CNTN1: variants seen among roughly 807,000 people sequenced by gnomAD.
The protein encoded by CNTN1 is contactin 1.
A neutral mutation model predicts 126.4 loss-of-function variants in CNTN1; 38 were observed. That is an observed-to-expected ratio of 0.30 (90% confidence interval 0.23 to 0.39). CNTN1 has a LOEUF of 0.39. Ranked by LOEUF, CNTN1 falls within the 10% of genes least tolerant of loss-of-function variation. The probability of loss-of-function intolerance (pLI) is 1.00; values close to 1 mark genes in which losing one functional copy is unlikely to be tolerated. For synonymous variants in CNTN1, 413 were observed against 422.6 expected, an observed-to-expected ratio of 0.98 and a Z score of 0.28; for missense variants, 1,009 against 1,248.4, an observed-to-expected ratio of 0.81 and a Z score of 2.89.
At chr12:40,989,489 C>A (rs1230493389) in intron 16 of CNTN1, among the ~76,000 whole-genome samples, 1 of 151,988 alleles carries the variant, frequency 6.6e-6, no homozygotes, top group East Asian at 1.9e-4. Flanking sequence ...GAATACATGA[C>A]AATATAGAGT....
In CNTN1 at chr12:40,800,812, C is replaced by T. The variant is rs114503098; in HGVS notation, c.-76-107545C>T. Among the ~76,000 whole-genome samples the T allele has an allele frequency of 9.2e-3, 1,405 of 152,066 alleles. 29 individuals are homozygous for T. Among genetic ancestry groups the T allele is most frequent in the African/African-American group, 0.032 (1,335 of 41,494 alleles). ...CCTGGAGAAAGCAAAGTGAAAACAA[C>T]AGACTTATTAGAAGTAATAACAGCT... On this transcript the variant is annotated intron_variant, in intron 1 of 23. Transcript: ENST00000551295.
chr12:40,823,886 G>A (rs896011911), intron 1 of CNTN1, among the ~76,000 whole-genome samples: 1 of 151,944 alleles, frequency 6.6e-6, no homozygotes, highest in Non-Finnish European at 1.5e-5. Context: ...CCATATTCTT[G>A]TAATACTTAG....
intron 14 of CNTN1, among the ~76,000 whole-genome samples, chr12:40,955,482 A>G (rs1946841421): frequency 6.6e-6 from 1 of 152,076 alleles, no homozygotes; most frequent in African/African-American, 2.4e-5. Context: ...TATCTCATAG[A>G]TATGGATAGC....
intron 14 of CNTN1, among the ~76,000 whole-genome samples, chr12:40,946,231 T>G (rs896224377): frequency 6.6e-6 from 1 of 152,110 alleles, no homozygotes; most frequent in African/African-American, 2.4e-5. Flanking sequence ...AAAATTTAAG[T>G]AAAAACGCTA....
chr12:40,957,447 CTTTTTTTTTT>C (rs34057125), intron 14 of CNTN1, among the ~76,000 whole-genome samples: 1 of 143,382 alleles, frequency 7.0e-6, no homozygotes. Flanking sequence ...TTTACCCTAC[CTTTTTTTTTT>C]TTTTGATATA....
chr12:41,048,798 C>G (rs80220112), intron 23 of CNTN1, among the ~76,000 whole-genome samples: 2 of 151,720 alleles, frequency 1.3e-5, no homozygotes, highest in Non-Finnish European at 2.9e-5. Context: ...AAGGAAGGAA[C>G]GAAGAAAAAC....
intron 1 of CNTN1, among the ~76,000 whole-genome samples, chr12:40,715,896 A>T (rs772067723): frequency 1.2e-4 from 18 of 152,144 alleles, no homozygotes; most frequent in Non-Finnish European, 2.2e-4. Flanking sequence ...CCTGGACACC[A>T]CCATTCAGAC....
intron 1 of CNTN1, among the ~76,000 whole-genome samples, chr12:40,846,922 C>A (rs1218974547): frequency 6.6e-6 from 1 of 152,034 alleles, no homozygotes; most frequent in Non-Finnish European, 1.5e-5. Context: ...GGCTGGAGTG[C>A]AGTGGTGCGA....
At chr12:40,856,932 ACTCT>A (rs55780764) in intron 1 of CNTN1, among the ~76,000 whole-genome samples, 1 of 151,760 alleles carries the variant, frequency 6.6e-6, no homozygotes, top group Admixed American at 6.6e-5. Flanking sequence ...AACATTCTAG[ACTCT>A]CTCTCTCCAA....
chr12:40,799,822 A>G (rs966395801), intron 1 of CNTN1, among the ~76,000 whole-genome samples: 2 of 151,996 alleles, frequency 1.3e-5, no homozygotes, highest in Admixed American at 1.3e-4. Flanking sequence ...ATCAGTCCTT[A>G]CAATATTCCC....
chr12:40,951,715 TAA>T (rs71078286), intron 14 of CNTN1, among the ~76,000 whole-genome samples: 1 of 110,026 alleles, frequency 9.1e-6, no homozygotes, highest in Non-Finnish European at 1.8e-5. Flanking sequence ...TCTCAAAATT[TAA>T]AAAAAAAAAA....
intron 1 of CNTN1, among the ~76,000 whole-genome samples, chr12:40,750,066 G>A (rs570574635): frequency 1.3e-5 from 2 of 152,196 alleles, no homozygotes; most frequent in African/African-American, 4.8e-5. Context: ...GTGTTAAGAA[G>A]ATAAGCCTGA....
chr12:40,892,739 A>T (rs1404690633), intron 1 of CNTN1, among the ~76,000 whole-genome samples: 4 of 152,010 alleles, frequency 2.6e-5, no homozygotes, highest in Non-Finnish European at 5.9e-5. Flanking sequence ...AAACTTTGTA[A>T]TTTTTTTGCT....
At chr12:40,719,900 C>T (rs1178797627) in intron 1 of CNTN1, among the ~76,000 whole-genome samples, 5 of 151,952 alleles carry the variant, frequency 3.3e-5, no homozygotes, top group South Asian at 2.1e-4. Context: ...TGCAGTGGCG[C>T]GATCACGGCT....
At chr12:40,833,722 G>T (rs1565802913) in intron 1 of CNTN1, among the ~76,000 whole-genome samples, 1 of 152,004 alleles carries the variant, frequency 6.6e-6, no homozygotes, top group Non-Finnish European at 1.5e-5. Flanking sequence ...AATGTGAATG[G>T]GCAATTAGAA....
At chr12:40,833,900 A>G (rs1175513910) in intron 1 of CNTN1, among the ~76,000 whole-genome samples, 12 of 152,208 alleles carry the variant, frequency 7.9e-5, no homozygotes, top group Admixed American at 7.9e-4. Context: ...GAATATAGAA[A>G]TTTTGAAACT....
chr12:40,888,087 T>C (rs1031164156), intron 1 of CNTN1, among the ~76,000 whole-genome samples: 2 of 151,402 alleles, frequency 1.3e-5, no homozygotes, highest in African/African-American at 4.9e-5. Flanking sequence ...ATGGGTGCAG[T>C]ACACCAACAT....
chr12:40,963,004 T>C (rs1947159895), intron 15 of CNTN1, among the ~76,000 whole-genome samples: 1 of 152,110 alleles, frequency 6.6e-6, no homozygotes. Flanking sequence ...GATAAATAAA[T>C]AAACATTTGT....
chr12:40,856,512 AT>A (rs1293359337), intron 1 of CNTN1, among the ~76,000 whole-genome samples: 1 of 152,116 alleles, frequency 6.6e-6, no homozygotes, highest in Non-Finnish European at 1.5e-5. Context: ...AGGCTGTACA[AT>A]TTTCTCTGCA....
Sources: gnomAD v4.1 joint callset for allele counts (sites outside exome capture counted in the v4.1 genomes callset) on GRCh38, gnomAD v4.1.1 for gene constraint, MANE v1.5 for transcripts, NCBI Gene and HGNC (gene_info 2026-07-23, HGNC 2026-07-21) for gene names.